CYP27A1: variants seen among roughly 807,000 people sequenced by gnomAD.
CYP27A1 encodes cytochrome P450 family 27 subfamily A member 1.
Under a neutral mutation model 58.2 loss-of-function variants are expected in CYP27A1, and 46 were observed. The ratio of observed to expected loss-of-function variants is 0.79; its 90% CI spans 0.62 to 1.01. The LOEUF is 1.01. CYP27A1 is among the 50% of genes least tolerant of loss of function. CYP27A1 has a pLI of 0.00. For synonymous variants in CYP27A1, 274 were observed against 285.1 expected (o/e 0.96, Z 0.39); for missense variants, 704 against 687.0 (o/e 1.02, Z -0.28).
At position 218,791,715 on chromosome 2, in the gene CYP27A1, G is replaced by A. The variant is rs543779787; in HGVS notation, c.255+9278G>A. Among the ~76,000 whole-genome samples, 30 of 152,268 alleles carry A rather than the reference G, an allele frequency of 2.0e-4. No homozygotes were observed. The South Asian group carries it at 5.8e-3, about 29-fold the overall frequency. On this transcript the variant is annotated intron_variant, in intron 1 of 8. Coordinates refer to ENST00000258415, the MANE Select transcript of CYP27A1 (RefSeq NM_000784.4). ...TCAAAGTCTTGATGCAGTATGGATG[G>A]CAAGTGCAGTCTTTCTGTGACATTC...
chr2:218,802,358 GT>G (rs1943608577), intron 1 of CYP27A1, among the ~76,000 whole-genome samples: 1 of 151,456 alleles, frequency 6.6e-6, no homozygotes, highest in South Asian at 2.1e-4. Context: ...AGGTTAAGAT[GT>G]GAAGAAACAG....
At chr2:218,784,653 G>A (rs1943425691) in intron 1 of CYP27A1, among the ~76,000 whole-genome samples, 1 of 152,212 alleles carries the variant, frequency 6.6e-6, no homozygotes, top group Non-Finnish European at 1.5e-5. Flanking sequence ...TGTAGAAAAT[G>A]TTATAACCCT....
At position 218,814,212 on chromosome 2, in the gene CYP27A1, G is replaced by T. The variant is rs756771182; in HGVS notation, c.1184+25G>T. 5.0e-6 allele frequency: 8 copies of T among 1,614,092 alleles called. No homozygotes were observed. The Admixed American group carries it at 1.0e-4, about 20-fold the overall frequency. On this transcript the variant is annotated intron_variant, in intron 6 of 8. Coordinates refer to ENST00000258415, the MANE Select transcript of CYP27A1 (RefSeq NM_000784.4). The stretch of plus-strand genomic sequence containing the variant: ...GGTAGGACAGAATGCTGTTCTGGGG[G>T]GCACAGGATCTCTTTGTGGGGAGGG...
intron 1 of CYP27A1, among the ~76,000 whole-genome samples, chr2:218,798,892 A>G (rs1345039863): frequency 6.6e-6 from 1 of 151,920 alleles, no homozygotes; most frequent in Non-Finnish European, 1.5e-5. Context: ...CAAAAAACAA[A>G]CAAACAAACA....
chr2:218,813,795 C>T (rs1198042219), intron 5 of CYP27A1, among the ~76,000 whole-genome samples: 1 of 152,094 alleles, frequency 6.6e-6, no homozygotes, highest in East Asian at 1.9e-4. Context: ...CTCTGTGTTG[C>T]CGTCCCCTCC....
Position 218,814,655 on chromosome 2 carries a change from C to A in CYP27A1, c.1374C>A (p.Pro458=), listed in dbSNP as rs55998945. The A allele has an allele frequency of 5.0e-6, 8 of 1,614,124 alleles. No individual in the cohort carries two copies. Among genetic ancestry groups the A allele is most frequent in the African/African-American group, 1.3e-5 (1 of 74,942 alleles). ...RWLRNSQPAT[P]RIQHPFGSVP... ...TGAGAAACAGCCAGCCTGCTACCCC[C>A]AGGATCCAGCACCCATTTGGCTCTG... Residue 458 remains proline (P), a synonymous_variant, in exon 8 of 9, where the codon CCC becomes CCA. Transcript: ENST00000258415.
intron 1 of CYP27A1, among the ~76,000 whole-genome samples, chr2:218,806,509 C>T (rs1424868421): frequency 4.6e-5 from 7 of 152,208 alleles, no homozygotes; most frequent in Non-Finnish European, 8.8e-5. Flanking sequence ...TTATCCACTC[C>T]GAGTATTAAC....
chr2:218,800,934 G>T (rs1459280668), intron 1 of CYP27A1, among the ~76,000 whole-genome samples: 3 of 152,076 alleles, frequency 2.0e-5, no homozygotes, highest in Admixed American at 1.3e-4. Context: ...ATTTTTAATG[G>T]CTGAAAAGCA....
At chr2:218,814,832 A>G in intron 8 of CYP27A1, 75 bp downstream of exon 8, 1 of 1,613,908 alleles carries the variant, frequency 6.2e-7, no homozygotes, top group Non-Finnish European at 8.5e-7. Flanking sequence ...GAAGGGAGGC[A>G]CAGGGTAGGA....
At chr2:218,798,700 T>C (rs149138270) in intron 1 of CYP27A1, among the ~76,000 whole-genome samples, 24 of 152,188 alleles carry the variant, frequency 1.6e-4, no homozygotes, top group African/African-American at 5.8e-4. Flanking sequence ...CTGGGCAACA[T>C]GGCGAAACCC....
intron 2 of CYP27A1, among the ~76,000 whole-genome samples, chr2:218,810,766 C>A (rs1291305276): frequency 6.6e-6 from 1 of 152,090 alleles, no homozygotes. Context: ...GCAACACTTT[C>A]AGTTTATCTT....
chr2:218,810,649 C>T (rs895628870), intron 2 of CYP27A1, among the ~76,000 whole-genome samples: 9 of 152,086 alleles, frequency 5.9e-5, no homozygotes, highest in African/African-American at 2.2e-4. Context: ...TTTTAACAAC[C>T]ACGTTTAAGT....
intron 1 of CYP27A1, among the ~76,000 whole-genome samples, chr2:218,805,114 A>G (rs763702409): frequency 6.6e-6 from 1 of 152,250 alleles, no homozygotes; most frequent in East Asian, 1.9e-4. Flanking sequence ...TTAGGGTTTC[A>G]ACATAAGAAT....
At chr2:218,799,017 G>A (rs1943574223) in intron 1 of CYP27A1, among the ~76,000 whole-genome samples, 1 of 152,196 alleles carries the variant, frequency 6.6e-6, no homozygotes, top group Admixed American at 6.5e-5. Context: ...GAAGTCCCTA[G>A]AAGGGGAATG....
At position 218,798,095 on chromosome 2, in the gene CYP27A1, T is replaced by C. The variant is rs904813725; in HGVS notation, c.256-11482T>C. Among the ~76,000 whole-genome samples the C allele has an allele frequency of 5.9e-5, 9 of 151,398 alleles. No homozygotes were observed. The East Asian group carries it at 1.6e-3, about 26-fold the overall frequency. ...TCGGCTCACTGTAACCTCTGCCTCC[T>C]GGATTCAAGCAATTCTCATGCCTCA... On this transcript the variant is annotated intron_variant, in intron 1 of 8. Coordinates refer to ENST00000258415, the MANE Select transcript of CYP27A1 (RefSeq NM_000784.4).
Position 218,782,587 on chromosome 2 carries a change from G to A in CYP27A1, c.255+150G>A. 1.0e-6 allele frequency: 1 copy of A among 990,712 alleles called. No homozygotes were observed. The highest frequency in any genetic ancestry group is 1.5e-6 in the Non-Finnish European group (1 of 646,404). The allele number at this position is 990,712 out of a possible 1,614,324, so 61.4% of individuals were successfully genotyped here. On this transcript the variant is annotated intron_variant, in intron 1 of 8. Transcript: ENST00000258415. This position sits in a 1 kb window ranked among gnomAD's most constrained non-coding sequence, Gnocchi z 4.1. ...ATGGTCATAAACTGGAAATCAGTAG[G>A]GAGAATGGGCAAAGTGCAGACAGAG...
At position 218,814,918 on chromosome 2, in the gene CYP27A1, A is replaced by G; in HGVS notation, c.1484A>G (p.Gln495Arg). Residue 495 changes from glutamine to arginine, a missense_variant, in exon 9 of 9, where the codon CAG becomes CGG. Gln to Arg is a conservative substitution (Grantham distance 43). Transcript: ENST00000258415. ...EMQLLLARLI[Q>R]KYKVVLAPET... ...GTGCTCTTTACCCCCCAGCTGATCC[A>G]GAAGTACAAGGTGGTCCTGGCCCCG... 1.9e-6 allele frequency: 3 copies of G among 1,614,252 alleles called. 1 individual carries two copies. In the South Asian group the frequency reaches 3.3e-5, roughly 18 times the overall value.
In CYP27A1 at chr2:218,782,421, A is replaced by T; in HGVS notation, c.239A>T (p.Gln80Leu). 1 of 1,614,222 alleles carries T rather than the reference A, an allele frequency of 6.2e-7. No individual in the cohort carries two copies. The change falls in exon 1 of 9, where the codon CAA becomes CTA. Residue 80 changes from glutamine (Q) to leucine (L), a missense_variant. Physicochemically the swap from Gln to Leu is moderately radical, Grantham distance 113. Coordinates refer to ENST00000258415, the MANE Select transcript of CYP27A1 (RefSeq NM_000784.4). This position sits in a 1 kb window ranked among gnomAD's most constrained non-coding sequence, Gnocchi z 4.1. ...CTGTTCGTTCAAGGCTATGCCCTGCAACTGCACCAGTTACAGGTAACCCGC... is the reference window on the plus strand; with the variant it reads ...CTGTTCGTTCAAGGCTATGCCCTGCTACTGCACCAGTTACAGGTAACCCGC... ...FQLFVQGYAL[Q>L]LHQLQVLYKA...
In CYP27A1 at chr2:218,814,971, C is replaced by G; in HGVS notation, c.1537C>G (p.Arg513Gly). ...PETGELKSVA[R>G]IVLVPNKKVG... ...GACGGGGGAGTTGAAGAGTGTGGCC[C>G]GCATTGTCCTGGTTCCCAATAAGAA... The change falls in exon 9 of 9, where the codon CGC (arginine) becomes GGC (glycine). Residue 513 changes from arginine to glycine, a missense_variant. By Grantham distance (125) the Arg-to-Gly change is moderately radical. Coordinates refer to ENST00000258415, the MANE Select transcript of CYP27A1 (RefSeq NM_000784.4). 4 of 1,614,166 alleles carry G rather than the reference C, an allele frequency of 2.5e-6. No homozygotes were observed. The highest frequency in any genetic ancestry group is 3.4e-6 in the Non-Finnish European group (4 of 1,180,012).
Sources: gnomAD v4.1 joint callset for allele counts (sites outside exome capture counted in the v4.1 genomes callset) on GRCh38, gnomAD v4.1.1 for gene constraint, Gnocchi (gnomAD v3.1) non-coding constraint, MANE v1.5 for transcripts, NCBI Gene and HGNC (gene_info 2026-07-23, HGNC 2026-07-21) for gene names.